The following DOCK10 variants were observed in gnomAD, a reference collection of about 807,000 sequenced individuals.
DOCK10 encodes the protein dedicator of cytokinesis protein 10.
In DOCK10, 145 loss-of-function variants were observed where a neutral mutation model predicts 280.1. That is an observed-to-expected ratio of 0.52 (90% confidence interval 0.45 to 0.59). The LOEUF (loss-of-function observed/expected upper bound fraction) is 0.59, where lower values mean the gene tolerates loss of function less well. Ranked by LOEUF, DOCK10 falls within the 20% of genes least tolerant of loss-of-function variation. The pLI is 0.00. For missense variants in DOCK10, 2,368 were observed against 2,651.7 expected, an observed-to-expected ratio of 0.89 and a Z score of 2.35; for synonymous variants, 915 against 942.2, an observed-to-expected ratio of 0.97 and a Z score of 0.53.
intron 26 of DOCK10, 79 bp downstream of exon 26, chr2:224,834,071 A>G: frequency 2.5e-6 from 2 of 811,006 alleles, no homozygotes; most frequent in Non-Finnish European, 4.1e-6. Context: ...ATGAAAATCC[A>G]TGACTCCTAT....
At chr2:224,845,704 G>A (rs1696303654) in intron 19 of DOCK10, 62 bp from the exon 20 acceptor site, 1 of 1,464,052 alleles carries the variant, frequency 6.8e-7, no homozygotes, top group Non-Finnish European at 9.3e-7. Flanking sequence ...ATCAGAGCAA[G>A]ACAAAGCATA....
chr2:224,888,789 T>G (rs2125779853), intron 4 of DOCK10, among the ~76,000 whole-genome samples: 1 of 150,924 alleles, frequency 6.6e-6, no homozygotes, highest in African/African-American at 2.5e-5. Context: ...TGAATATATG[T>G]TTTTGTATGT....
At chr2:224,799,271 A>C (rs1444590910) in intron 41 of DOCK10, among the ~76,000 whole-genome samples, 3 of 152,250 alleles carry the variant, frequency 2.0e-5, no homozygotes, top group Non-Finnish European at 4.4e-5. Flanking sequence ...ACACTGAGTA[A>C]TACGGTATAT....
chr2:224,845,421 T>G (rs1411029659), intron 20 of DOCK10, 97 bp from the exon 21 acceptor site: 1 of 1,538,634 alleles, frequency 6.5e-7, no homozygotes. Context: ...CTAAATTTCA[T>G]GAAAAATAAT....
At chr2:225,024,773 C>T (rs969519058) in intron 1 of DOCK10, among the ~76,000 whole-genome samples, 11 of 151,898 alleles carry the variant, frequency 7.2e-5, no homozygotes, top group African/African-American at 1.9e-4. Flanking sequence ...TGCCTGTAAT[C>T]CCAGCTACTC....
At chr2:225,012,608 GATT>G (rs2126300031) in intron 1 of DOCK10, among the ~76,000 whole-genome samples, 1 of 152,296 alleles carries the variant, frequency 6.6e-6, no homozygotes, top group African/African-American at 2.4e-5. Flanking sequence ...GTCCAAAAGA[GATT>G]ATTAACATAT....
intron 31 of DOCK10, among the ~76,000 whole-genome samples, chr2:224,811,372 A>T (rs1206455093): frequency 6.6e-6 from 1 of 152,050 alleles, no homozygotes; most frequent in Non-Finnish European, 1.5e-5. Context: ...TTCATTGTAG[A>T]TTCTGGATAT....
intron 11 of DOCK10, among the ~76,000 whole-genome samples, chr2:224,869,867 C>T (rs1415624930): frequency 6.6e-6 from 1 of 152,274 alleles, no homozygotes; most frequent in East Asian, 1.9e-4. Flanking sequence ...AAGAAAAGCC[C>T]ACTATCTTTG....
intron 7 of DOCK10, among the ~76,000 whole-genome samples, chr2:224,884,897 T>A (rs1465241603): frequency 1.5e-4 from 23 of 152,240 alleles, no homozygotes; most frequent in Non-Finnish European, 3.2e-4. Context: ...GTTCTCTACA[T>A]GGCAGCAAAC....
intron 52 of DOCK10, among the ~76,000 whole-genome samples, chr2:224,774,311 T>G (rs977779155): frequency 1.4e-4 from 21 of 152,324 alleles, no homozygotes; most frequent in Admixed American, 1.3e-3. Flanking sequence ...CTTACTTGGC[T>G]CTTTCTCCTA....
rs990298649 is a variant in DOCK10 at position 224,830,522 on chromosome 2, A to G, written c.3036+19T>C. ...AATATTGTAAAAATATTATAATATT[A>G]TATTACTTATGTTCTTACCTGGATT... On this transcript the variant is annotated intron_variant, in intron 27 of 55. Coordinates refer to ENST00000258390, the MANE Select transcript of DOCK10 (RefSeq NM_014689.3). 7.9e-7 allele frequency: 1 copy of G among 1,269,468 alleles called. No homozygotes were observed. The highest frequency in any genetic ancestry group is 1.1e-6 in the Non-Finnish European group (1 of 947,230). The allele number at this position is 1,269,468 out of a possible 1,614,324, so 78.6% of individuals were successfully genotyped here.
At chr2:224,996,989 G>A (rs1706289333) in intron 1 of DOCK10, among the ~76,000 whole-genome samples, 1 of 152,178 alleles carries the variant, frequency 6.6e-6, no homozygotes, top group Admixed American at 6.5e-5. Flanking sequence ...CTGATTAGAG[G>A]CAGGAGAAGG....
At chr2:225,014,081 A>ATATATTTTTTTTTTTTTTTTTTTTTT (rs776104946) in intron 1 of DOCK10, among the ~76,000 whole-genome samples, 1 of 96,800 alleles carries the variant, frequency 1.0e-5, no homozygotes, top group African/African-American at 4.7e-5. Flanking sequence ...GTCTGAATAT[A>ATATATTTTTTTTTTTTTTTTTTTTTT]TTGTTTTTTT....
Position 224,770,134 on chromosome 2 carries a change from T to C in DOCK10, c.6444+77A>G. On this transcript the variant is annotated intron_variant, in intron 55 of 55. Coordinates refer to ENST00000258390, the MANE Select transcript of DOCK10 (RefSeq NM_014689.3). This position sits in a 1 kb window ranked among gnomAD's most constrained non-coding sequence, Gnocchi z 4.5. The stretch of plus-strand genomic sequence containing the variant: ...ATTTCTGCAGCAAGAAAAGGGCCTC[T>C]TTCCTGTCCTTCTGGCATTGGGAGC... 4 of 1,404,650 alleles carry C rather than the reference T, an allele frequency of 2.8e-6. No individual in the cohort carries two copies. The highest frequency in any genetic ancestry group is 3.7e-6 in the Non-Finnish European group (4 of 1,076,124). 87.0% of individuals were successfully genotyped at this position (1,404,650 alleles called of 1,614,324 possible). A position where few individuals can be genotyped will look rare whatever the true frequency, so the allele number is the denominator to read the frequency against.
intron 4 of DOCK10, 124 bp from the exon 5 acceptor site, chr2:224,886,655 T>G (rs2125761981): frequency 1.4e-6 from 1 of 729,308 alleles, no homozygotes. Flanking sequence ...TAAAATAATG[T>G]AATCTTTTGA....
intron 28 of DOCK10, among the ~76,000 whole-genome samples, chr2:224,822,391 T>C (rs1347158195): frequency 1.3e-5 from 2 of 152,224 alleles, no homozygotes; most frequent in African/African-American, 4.8e-5. Flanking sequence ...CTCAATACTT[T>C]ACTTGATAAT....
At chr2:224,779,103 A>G (rs546177076) in intron 50 of DOCK10, among the ~76,000 whole-genome samples, 1 of 152,322 alleles carries the variant, frequency 6.6e-6, no homozygotes, top group Non-Finnish European at 1.5e-5. Flanking sequence ...TAACTAAGTG[A>G]AGCAATCTTT....
At chr2:224,882,939 C>G (rs563312920) in intron 7 of DOCK10, among the ~76,000 whole-genome samples, 4 of 152,326 alleles carry the variant, frequency 2.6e-5, no homozygotes, top group African/African-American at 9.6e-5. Context: ...CACAAAGTGA[C>G]AAGTGACCCA....
intron 3 of DOCK10, among the ~76,000 whole-genome samples, chr2:224,900,739 G>A (rs187716455): frequency 1.3e-5 from 2 of 152,160 alleles, no homozygotes; most frequent in East Asian, 1.9e-4. Context: ...TGTGTGAAGC[G>A]CCTAGCATAG....
Sources: gnomAD v4.1 joint callset for allele counts (sites outside exome capture counted in the v4.1 genomes callset) on GRCh38, gnomAD v4.1.1 for gene constraint, Gnocchi (gnomAD v3.1) non-coding constraint, MANE v1.5 for transcripts, NCBI Gene and HGNC (gene_info 2026-07-23, HGNC 2026-07-21) for gene names.